The following LOC400499 variants were observed in gnomAD, a reference collection of about 807,000 sequenced individuals.
chr16:11,385,418 T>G, the LOC400499 span: 1 of 1,232,254 alleles, frequency 8.1e-7, no homozygotes, highest in Non-Finnish European at 1.0e-6. Context: ...GGGCATGGTC[T>G]GGGTAGAAGC....
At chr16:11,488,734 G>A in the LOC400499 span, 71 of 398,892 alleles carry the variant, frequency 1.8e-4, no homozygotes, top group Non-Finnish European at 4.9e-5. Flanking sequence ...CATCAGAATA[G>A]GACGAGTGTT....
At chr16:11,414,560 C>T in the LOC400499 span, 1 of 399,426 alleles carries the variant, frequency 2.5e-6, no homozygotes, top group Non-Finnish European at 4.4e-6. Flanking sequence ...CCTCCCTTCC[C>T]AGCCCAGGAA....
chr16:11,464,170 T>TGTATAG, the LOC400499 span, among the ~76,000 whole-genome samples: 2 of 151,674 alleles, frequency 1.3e-5, no homozygotes, highest in Non-Finnish European at 2.9e-5. Context: ...TATGGACATG[T>TGTATAG]GTATGTCATA....
At chr16:11,409,738 C>T in the LOC400499 span, among the ~76,000 whole-genome samples, 8 of 152,168 alleles carry the variant, frequency 5.3e-5, no homozygotes, top group Admixed American at 2.6e-4. Context: ...TTGTAATTAC[C>T]GTGTTAAATC....
chr16:11,460,752 G>C, the LOC400499 span: 1 of 1,313,758 alleles, frequency 7.6e-7, no homozygotes, highest in African/African-American at 1.5e-5. Flanking sequence ...ATTAGAACCT[G>C]TCGATGGGGA....
chr16:11,467,297 A>G, the LOC400499 span: 2 of 126,974 alleles, frequency 1.6e-5, no homozygotes, highest in African/African-American at 5.8e-5. Flanking sequence ...AAGTCCTCAC[A>G]GAGTTAAAAA....
chr16:11,376,353 CT>C, the LOC400499 span, among the ~76,000 whole-genome samples: 392 of 116,740 alleles, frequency 3.4e-3, 1 homozygote, highest in South Asian at 0.013. Context: ...TTGAGGTTTT[CT>C]TTTTTTTTTT....
At chr16:11,471,632 G>A in the LOC400499 span, 14 of 398,926 alleles carry the variant, frequency 3.5e-5, no homozygotes, top group African/African-American at 6.2e-5. Context: ...TGAGAAAGAC[G>A]GGGCTGTTGT....
At chr16:11,474,971 G>A in the LOC400499 span, among the ~76,000 whole-genome samples, 9 of 152,310 alleles carry the variant, frequency 5.9e-5, 1 homozygote, top group Admixed American at 4.6e-4. Context: ...TTGTTCCTAA[G>A]CAGGTAGCTA....
chr16:11,480,562 G>T, the LOC400499 span, among the ~76,000 whole-genome samples: 1 of 152,178 alleles, frequency 6.6e-6, no homozygotes, highest in African/African-American at 2.4e-5. Flanking sequence ...CCTACCCATA[G>T]GATGAATATT....
chr16:11,498,955 G>A, the LOC400499 span, among the ~76,000 whole-genome samples: 1 of 147,856 alleles, frequency 6.8e-6, no homozygotes, highest in African/African-American at 2.5e-5. Flanking sequence ...CTGCTGGTGA[G>A]GAATGGGGCT....
the LOC400499 span, chr16:11,387,168 T>C: frequency 1.6e-6 from 2 of 1,232,074 alleles, no homozygotes; most frequent in Admixed American, 4.2e-5. Flanking sequence ...GCCAGCACGT[T>C]GGCCCCAGAC....
chr16:11,457,092 G>A, the LOC400499 span: 62 of 1,456,444 alleles, frequency 4.3e-5, no homozygotes, highest in African/African-American at 1.4e-4. Flanking sequence ...CACCCCTGGC[G>A]TAGAATGTGC....
the LOC400499 span, among the ~76,000 whole-genome samples, chr16:11,505,995 C>T: frequency 7.2e-5 from 11 of 152,026 alleles, no homozygotes; most frequent in Non-Finnish European, 1.5e-4. Flanking sequence ...TGTATATTTG[C>T]ACCCATTAGT....
chr16:11,437,698 T>A, the LOC400499 span, among the ~76,000 whole-genome samples: 5 of 152,130 alleles, frequency 3.3e-5, no homozygotes, highest in Admixed American at 3.3e-4. Flanking sequence ...TGAAATCCCA[T>A]CTCTACTAAA....
the LOC400499 span, among the ~76,000 whole-genome samples, chr16:11,487,990 G>A: frequency 0.078 from 11,914 of 151,780 alleles, 897 homozygotes; most frequent in East Asian, 0.3. Context: ...GGTGGTGCGC[G>A]CCTGTAGTCC....
the LOC400499 span, among the ~76,000 whole-genome samples, chr16:11,415,895 C>T: frequency 1.5e-3 from 224 of 152,220 alleles, no homozygotes; most frequent in African/African-American, 5.0e-3. Context: ...GTGATCCTGT[C>T]CTCTGTTCTC....
the LOC400499 span, chr16:11,385,474 G>A: frequency 1.7e-6 from 2 of 1,146,692 alleles, no homozygotes; most frequent in Non-Finnish European, 2.2e-6. Flanking sequence ...CACCGCAGTA[G>A]GAGCCCAATG....
the LOC400499 span, chr16:11,396,522 C>T: frequency 7.3e-6 from 9 of 1,232,204 alleles, no homozygotes; most frequent in African/African-American, 3.1e-5. Flanking sequence ...TCCAGTGCCC[C>T]GGAGAAGTCA....
Sources: gnomAD v4.1 joint callset for allele counts (sites outside exome capture counted in the v4.1 genomes callset) on GRCh38, gnomAD v4.1.1 for gene constraint, MANE v1.5 for transcripts.